ZNF587B: variants seen among roughly 807,000 people sequenced by gnomAD.
ZNF587B encodes zinc finger protein 587B.
Under a neutral mutation model 7.2 loss-of-function variants are expected in ZNF587B, and 6 were observed. The ratio of observed to expected loss-of-function variants is 0.83; its 90% CI spans 0.46 to 1.65. The LOEUF (loss-of-function observed/expected upper bound fraction) is 1.65. Ranked by LOEUF, ZNF587B falls within the 40% of genes most tolerant of loss-of-function variation. The pLI is 0.01. For missense variants in ZNF587B, 749 were observed against 761.0 expected (o/e 0.98, Z 0.19); for synonymous variants, 274 against 254.3 (o/e 1.08, Z -0.74).
Position 57,842,362 on chromosome 19 carries a change from C to G in ZNF587B, c.1688C>G (p.Ser563Cys), listed in dbSNP as rs765786770. The change falls in exon 3 of 3, where the codon TCC (serine) becomes TGC (cysteine). Residue 563 changes from serine (S) to cysteine (C), a missense_variant. By Grantham distance (112) the Ser-to-Cys change is moderately radical (BLOSUM62 -1). Transcript: ENST00000594901. ...TGTGGGAAATCTTTTGCTGCAAGCT[C>G]CTATCTCACTAGTCACAGGAGAGTT... is the stretch of plus-strand genomic sequence containing the variant. ...SECGKSFAAS[S>C]YLTSHRRVHT... The G allele has an allele frequency of 1.0e-5, 16 of 1,605,226 alleles. No individual in the cohort carries two copies. Among genetic ancestry groups the G allele is most frequent in the Admixed American group, 1.7e-5 (1 of 58,920 alleles).
Position 57,844,825 on chromosome 19 carries a change from G to C in ZNF587B, c.*2249G>C, listed in dbSNP as rs1383783027. On this transcript the variant is annotated 3_prime_UTR_variant, in exon 3 of 3. Transcript: ENST00000594901. ...ACTGTTGAGGGAACTCTGTTCAGCA[G>C]ATCTTACAAGGCACACATGTGCCAT... 6.6e-6 allele frequency: 1 copy of C among 152,174 alleles called. No individual in the cohort carries two copies. The highest frequency in any genetic ancestry group is 1.5e-5 in the Non-Finnish European group (1 of 68,044). 9.4% of individuals were successfully genotyped at this position (152,174 alleles called of 1,614,324 possible). A position where few individuals can be genotyped will look rare whatever the true frequency, so the allele number is the denominator to read the frequency against.
At chr19:57,830,671 C>A in intron 1 of ZNF587B, 107 bp downstream of exon 1, 1 of 1,328,944 alleles carries the variant, frequency 7.5e-7, no homozygotes, top group Non-Finnish European at 1.0e-6. Context: ...GCAGCAGATG[C>A]TGAGTTTTTA....
chr19:57,841,379 T>G lies in ZNF587B; in HGVS notation c.705T>G (p.Leu235=), dbSNP rs551223431. The G allele has an allele frequency of 2.8e-3, 4,433 of 1,587,398 alleles. 13 individuals carry two copies. The highest frequency in any genetic ancestry group is 3.5e-3 in the Non-Finnish European group (4,086 of 1,165,086). The change falls in exon 3 of 3, where the codon CTT becomes CTG. Residue 235 remains leucine, a synonymous_variant. Transcript: ENST00000594901. The part of the protein sequence containing the change: ...TKHILSQHQR[L]LPREECYVCC... ...ATATACTCAGTCAGCACCAGAGACT[T>G]CTCCCTCGAGAAGAATGTTATGTGT...
At chr19:57,832,151 A>G (rs2122204140) in intron 1 of ZNF587B, among the ~76,000 whole-genome samples, 1 of 151,830 alleles carries the variant, frequency 6.6e-6, no homozygotes, top group East Asian at 2.0e-4. Context: ...CAGTGGCACG[A>G]TCTCGGCTCA....
Position 57,846,143 on chromosome 19 carries a change from T to A in ZNF587B, c.*3567T>A, listed in dbSNP as rs1259745146. The A allele has an allele frequency of 2.0e-5, 3 of 152,166 alleles. No individual in the cohort carries two copies. Among genetic ancestry groups the A allele is most frequent in the African/African-American group, 7.2e-5 (3 of 41,420 alleles). The allele number at this position is 152,166 out of a possible 1,614,324, so 9.4% of individuals were successfully genotyped here. ...GCCTTTATAAAGTTTTTCTCTCTGC[T>A]CTTCAAACAACCATTGATTTACTTT... is the stretch of plus-strand genomic sequence containing the variant. On this transcript the variant is annotated 3_prime_UTR_variant, in exon 3 of 3. Transcript: ENST00000594901.
chr19:57,842,230 A>G lies in ZNF587B; in HGVS notation c.1556A>G (p.Glu519Gly). ...GCACACCAGAGAGTTCACACTGGAG[A>G]AAGGCCATATGAATGCAGTGATTGT... ...LTAHQRVHTG[E>G]RPYECSDCGK... is the part of the protein sequence containing the mutation. Residue 519 changes from glutamate (E) to glycine (G), a missense_variant, in exon 3 of 3, where the codon GAA becomes GGA. Physicochemically the swap from Glu to Gly is moderately conservative, Grantham distance 98. Coordinates refer to ENST00000594901, the MANE Select transcript of ZNF587B (RefSeq NM_001376223.1). The G allele has an allele frequency of 4.3e-6, 7 of 1,613,630 alleles. No individual in the cohort carries two copies. Among genetic ancestry groups the G allele is most frequent in the Non-Finnish European group, 5.9e-6 (7 of 1,179,702 alleles).
At chr19:57,837,630 A>G (rs527586856) in intron 1 of ZNF587B, among the ~76,000 whole-genome samples, 8 of 152,094 alleles carry the variant, frequency 5.3e-5, no homozygotes, top group African/African-American at 1.4e-4. Context: ...TTGTATTTTT[A>G]GTAGAGACGG....
chr19:57,832,315 G>C (rs767280479), intron 1 of ZNF587B, among the ~76,000 whole-genome samples: 3 of 152,034 alleles, frequency 2.0e-5, no homozygotes, highest in Non-Finnish European at 4.4e-5. Flanking sequence ...TCAATCTCTT[G>C]ACATTGTGAT....
In ZNF587B at chr19:57,830,555, C is replaced by G. The variant is rs754798353; in HGVS notation, c.27C>G (p.Leu9=). 1 of 1,550,114 alleles carries G rather than the reference C, an allele frequency of 6.5e-7. No homozygotes were observed. The highest frequency in any genetic ancestry group is 8.7e-7 in the Non-Finnish European group (1 of 1,147,496). The change falls in exon 1 of 3, where the codon CTC becomes CTG. Residue 9 remains leucine (L), a synonymous_variant. Coordinates refer to ENST00000594901, the MANE Select transcript of ZNF587B (RefSeq NM_001376223.1). The part of the protein sequence containing the change: MAVVATLR[L]SAQGTVTFED... The stretch of plus-strand genomic sequence containing the variant: ...TGGCGGTGGTGGCCACGCTGAGGCT[C>G]TCTGCTCAGGTAATTGTGGTGCCTT...
At position 57,841,699 on chromosome 19, in the gene ZNF587B, A is replaced by G. The variant is rs751437909; in HGVS notation, c.1025A>G (p.Lys342Arg). ...TCTTTTAGTTCAAACGTGAACCTTAAGAGTCATCAGCGCATTCACACTGGA... is the reference window on the plus strand; with the variant it reads ...TCTTTTAGTTCAAACGTGAACCTTAGGAGTCATCAGCGCATTCACACTGGA... ...GKSFSSNVNLKSHQRIHTGER... is the reference protein window; with the variant it reads ...GKSFSSNVNLRSHQRIHTGER... Residue 342 changes from lysine to arginine, a missense_variant, in exon 3 of 3, where the codon AAG becomes AGG. Lys to Arg is a conservative substitution (Grantham distance 26). Coordinates refer to ENST00000594901, the MANE Select transcript of ZNF587B (RefSeq NM_001376223.1). The G allele has an allele frequency of 1.9e-6, 3 of 1,606,608 alleles. No individual in the cohort carries two copies. Among genetic ancestry groups the G allele is most frequent in the South Asian group, 2.2e-5 (2 of 90,318 alleles).
Position 57,843,665 on chromosome 19 carries a change from G to A in ZNF587B, c.*1089G>A, listed in dbSNP as rs1988965934. 1.4e-6 allele frequency: 1 copy of A among 729,340 alleles called. No individual in the cohort carries two copies. The highest frequency in any genetic ancestry group is 7.7e-5 in the Admixed American group (1 of 13,022). 45.2% of individuals were successfully genotyped at this position (729,340 alleles called of 1,614,324 possible). On this transcript the variant is annotated 3_prime_UTR_variant, in exon 3 of 3. Transcript: ENST00000594901. ...CACCGATACTGGAGTGCAGTGGTGT[G>A]ATCCTGGTTCATTGCAACCTCTGCC...
rs997264114 is a variant in ZNF587B at position 57,845,446 on chromosome 19, G to A, written c.*2870G>A. The A allele has an allele frequency of 6.6e-5, 10 of 152,118 alleles. No homozygotes were observed. Among genetic ancestry groups the A allele is most frequent in the African/African-American group, 2.2e-4 (9 of 41,406 alleles). 9.4% of individuals were successfully genotyped at this position (152,118 alleles called of 1,614,324 possible). On this transcript the variant is annotated 3_prime_UTR_variant, in exon 3 of 3. Transcript: ENST00000594901. ...GTTTTGTGAATTCATGTAACCTTTT[G>A]GGCTGCTCACCTTAAGGTAACTCCT...
chr19:57,842,523 A>G lies in ZNF587B; in HGVS notation c.1849A>G (p.Lys617Glu), dbSNP rs761923335. 3.2e-6 allele frequency: 5 copies of G among 1,556,252 alleles called. No individual in the cohort carries two copies. In the South Asian group the frequency reaches 5.0e-5, roughly 16 times the overall value. The change falls in exon 3 of 3, where the codon AAA becomes GAA. Residue 617 changes from lysine to glutamate, a missense_variant. This residue lies in a region of ZNF587B where 656 missense variants were observed against 596.5 expected (regional missense o/e 1.10). Transcript: ENST00000594901. ...GCSECEKKFR[K>E]SSSLRYHQRV... is the part of the protein sequence containing the mutation. The stretch of plus-strand genomic sequence containing the variant: ...TAGTGAATGTGAAAAAAAATTTAGG[A>G]AAAGCTCTTCACTTCGTTACCATCA...
intron 1 of ZNF587B, among the ~76,000 whole-genome samples, chr19:57,831,329 C>T (rs556344562): frequency 1.2e-4 from 18 of 152,204 alleles, no homozygotes; most frequent in Non-Finnish European, 2.5e-4. Flanking sequence ...TCACAGAATC[C>T]TCTAGTGAGA....
rs749342872 is a variant in ZNF587B, at chr19:57,841,139, G to T, written c.465G>T (p.Ala155=). Residue 155 remains alanine (A), a synonymous_variant, in exon 3 of 3, where the codon GCG becomes GCT. Transcript: ENST00000594901. The part of the protein sequence containing the change: ...EKPYRGSVEE[A]LFVKRCKLHV... ...CCTACAGAGGGAGTGTTGAGGAGGC[G>T]TTGTTTGTGAAGAGGTGTAAGTTGC... is the stretch of plus-strand genomic sequence containing the variant. 1 of 1,614,070 alleles carries T rather than the reference G, an allele frequency of 6.2e-7. No homozygotes were observed. The highest frequency in any genetic ancestry group is 8.5e-7 in the Non-Finnish European group (1 of 1,180,056).
chr19:57,843,587 G>GTTTTTTTTTTTTTTTTTTTTTTTTT lies in ZNF587B; in HGVS notation c.*1013_*1014insTTTTTTTTTTTTTTTTTTTTTTTTT, dbSNP rs1324065807. On this transcript the variant is annotated 3_prime_UTR_variant, in exon 3 of 3. Coordinates refer to ENST00000594901, the MANE Select transcript of ZNF587B (RefSeq NM_001376223.1). The stretch of plus-strand genomic sequence containing the variant: ...GTTTGGTTGGTTGGTTGGTTGGTTG[G>GTTTTTTTTTTTTTTTTTTTTTTTTT]TTGTTTTTTTTTGTTTTTTTTTTTT... 59 of 738,178 alleles carry GTTTTTTTTTTTTTTTTTTTTTTTTT rather than the reference G, an allele frequency of 8.0e-5. 4 individuals are homozygous for GTTTTTTTTTTTTTTTTTTTTTTTTT. The highest frequency in any genetic ancestry group is 7.0e-4 in the Middle Eastern group (1 of 1,436). 45.7% of individuals were successfully genotyped at this position (738,178 alleles called of 1,614,324 possible).
At chr19:57,833,401 TGTG>T (rs1275989755) in intron 1 of ZNF587B, among the ~76,000 whole-genome samples, 2 of 142,234 alleles carry the variant, frequency 1.4e-5, no homozygotes, top group African/African-American at 5.1e-5. Context: ...TCAGTCAGCT[TGTG>T]GTGAATGTTG....
chr19:57,834,785 C>A (rs1988538963), intron 1 of ZNF587B, among the ~76,000 whole-genome samples: 2 of 120,862 alleles, frequency 1.7e-5, no homozygotes, highest in South Asian at 2.7e-4. Flanking sequence ...GCAGAGGTTG[C>A]AGTGAGCCAA....
At position 57,846,066 on chromosome 19, in the gene ZNF587B, C is replaced by G. The variant is rs1047427750; in HGVS notation, c.*3490C>G. The stretch of plus-strand genomic sequence containing the variant: ...TATTATAATCCCGTGAAACCATCAT[C>G]AGAGTCACCATAATGAATTTATCTA... On this transcript the variant is annotated 3_prime_UTR_variant, in exon 3 of 3. Coordinates refer to ENST00000594901, the MANE Select transcript of ZNF587B (RefSeq NM_001376223.1). 5.9e-5 allele frequency: 9 copies of G among 152,200 alleles called. No individual in the cohort carries two copies. The highest frequency in any genetic ancestry group is 1.9e-4 in the African/African-American group (8 of 41,462). 9.4% of individuals were successfully genotyped at this position (152,200 alleles called of 1,614,324 possible). A position where few individuals can be genotyped will look rare whatever the true frequency, so the allele number is the denominator to read the frequency against.
Sources: gnomAD v4.1 joint callset for allele counts (sites outside exome capture counted in the v4.1 genomes callset) on GRCh38, gnomAD v4.1.1 for gene constraint, gnomAD v4.1.1 regional missense constraint, MANE v1.5 for transcripts, NCBI Gene and HGNC (gene_info 2026-07-23, HGNC 2026-07-21) for gene names.